Variants in TAF3 observed in about 807,000 individuals in gnomAD.
TAF3 encodes transcription initiation factor TFIID subunit 3.
In TAF3, 7 loss-of-function variants were observed where a neutral mutation model predicts 80.6. That is an observed-to-expected ratio of 0.09 (90% CI 0.05 to 0.16). The LOEUF (loss-of-function observed/expected upper bound fraction) is 0.16, where lower values mean the gene tolerates loss of function less well. TAF3 is among the 10% of genes least tolerant of loss of function. TAF3 has a pLI of 1.00. For synonymous variants in TAF3, 444 were observed against 446.1 expected (o/e 1.00, Z 0.06); for missense variants, 921 against 1,140.2 (o/e 0.81, Z 2.77).
intron 2 of TAF3, among the ~76,000 whole-genome samples, chr10:7,944,485 G>A (rs914688505): frequency 2.6e-5 from 4 of 152,206 alleles, no homozygotes; most frequent in South Asian, 4.2e-4. Flanking sequence ...AAGTTACTAC[G>A]CATTTTTTTC....
intron 2 of TAF3, among the ~76,000 whole-genome samples, chr10:7,903,884 A>G (rs1049057120): frequency 3.3e-5 from 5 of 152,192 alleles, no homozygotes; most frequent in African/African-American, 4.8e-5. Context: ...CATAAGGGAC[A>G]TAAGACAAGT....
intron 2 of TAF3, among the ~76,000 whole-genome samples, chr10:7,889,180 C>T (rs116793455): frequency 4.9e-4 from 74 of 152,296 alleles, no homozygotes; most frequent in African/African-American, 1.7e-3. Context: ...CAGTACTGTT[C>T]CTTCTTCTGC....
At chr10:7,830,319 C>T (rs1292332857) in intron 2 of TAF3, among the ~76,000 whole-genome samples, 3 of 151,556 alleles carry the variant, frequency 2.0e-5, no homozygotes, top group African/African-American at 4.9e-5. Flanking sequence ...AACCCCACCC[C>T]ACCCCTTCCT....
At chr10:8,002,921 A>G (rs1012460456) in intron 4 of TAF3, among the ~76,000 whole-genome samples, 11 of 152,314 alleles carry the variant, frequency 7.2e-5, no homozygotes, top group Admixed American at 1.3e-4. Context: ...GGAACCTTTT[A>G]TCATCAGGAA....
At chr10:7,988,513 A>C (rs1441886052) in intron 4 of TAF3, among the ~76,000 whole-genome samples, 1 of 140,438 alleles carries the variant, frequency 7.1e-6, no homozygotes, top group Non-Finnish European at 1.5e-5. Context: ...TAGAGGTTGC[A>C]GTGAGCCAAG....
chr10:7,915,814 A>G (rs1378964472), intron 2 of TAF3, among the ~76,000 whole-genome samples: 1 of 151,484 alleles, frequency 6.6e-6, no homozygotes, highest in Non-Finnish European at 1.5e-5. Context: ...TCTCGTCTCT[A>G]CTAAAAATAC....
intron 1 of TAF3, among the ~76,000 whole-genome samples, chr10:7,821,205 C>T (rs1269196506): frequency 9.3e-6 from 1 of 108,096 alleles, no homozygotes; most frequent in Admixed American, 1.1e-4. Context: ...GTTCATTATT[C>T]CCACGTAATT....
At chr10:7,976,144 G>A (rs7096633) in intron 3 of TAF3, among the ~76,000 whole-genome samples, 9,373 of 152,190 alleles carry the variant, frequency 0.062, 364 homozygotes, top group South Asian at 0.14. Flanking sequence ...CTCTTCTGAC[G>A]AACAGGTCAG....
intron 2 of TAF3, among the ~76,000 whole-genome samples, chr10:7,849,034 A>AGTGTG (rs1837000337): frequency 1.3e-5 from 2 of 152,190 alleles, no homozygotes; most frequent in Admixed American, 1.3e-4. Flanking sequence ...TTTATATCAC[A>AGTGTG]CTTTGAGGGA....
chr10:8,014,297 C>T (rs904052051), intron 6 of TAF3, among the ~76,000 whole-genome samples: 1 of 152,154 alleles, frequency 6.6e-6, no homozygotes, highest in African/African-American at 2.4e-5. Flanking sequence ...CAGATAATCT[C>T]GTGTTATCTT....
At chr10:8,004,826 G>T (rs10752123) in intron 4 of TAF3, among the ~76,000 whole-genome samples, 1 of 151,908 alleles carries the variant, frequency 6.6e-6, no homozygotes, top group Admixed American at 6.6e-5. Flanking sequence ...GGTATCTTTC[G>T]TCAGTTCTGT....
chr10:8,001,614 T>G (rs1024362474), intron 4 of TAF3, among the ~76,000 whole-genome samples: 3 of 152,338 alleles, frequency 2.0e-5, no homozygotes, highest in South Asian at 2.1e-4. Flanking sequence ...CCTTTATGGT[T>G]TCAGCTTTTG....
At chr10:8,008,099 T>TC (rs1247720587) in intron 4 of TAF3, among the ~76,000 whole-genome samples, 1 of 147,552 alleles carries the variant, frequency 6.8e-6, no homozygotes, top group Non-Finnish European at 1.5e-5. Context: ...AATCTTTTTT[T>TC]TTTTTTTTTT....
chr10:7,978,269 G>A (rs1000745877), intron 4 of TAF3, among the ~76,000 whole-genome samples: 1 of 152,018 alleles, frequency 6.6e-6, no homozygotes, highest in South Asian at 2.1e-4. Flanking sequence ...TAGTAGAGAG[G>A]ACAGAAAATT....
chr10:7,848,694 T>G (rs2131123083), intron 2 of TAF3, among the ~76,000 whole-genome samples: 1 of 152,278 alleles, frequency 6.6e-6, no homozygotes, highest in Non-Finnish European at 1.5e-5. Flanking sequence ...GAAGCTGGCT[T>G]TGTTGGAAAG....
At chr10:7,902,036 G>A (rs563459634) in intron 2 of TAF3, among the ~76,000 whole-genome samples, 7 of 152,066 alleles carry the variant, frequency 4.6e-5, no homozygotes, top group Admixed American at 3.3e-4. Context: ...CACTAACTCC[G>A]CACCCCACGT....
chr10:7,924,034 G>A (rs1185560974), intron 2 of TAF3, among the ~76,000 whole-genome samples: 3 of 152,100 alleles, frequency 2.0e-5, no homozygotes, highest in African/African-American at 7.2e-5. Context: ...ACAGTATTTA[G>A]GCCATCCTTT....
chr10:7,819,421 TACTGTTTTTCCAAGGCTGACTTTGTC>T (rs1162688770), intron 1 of TAF3, among the ~76,000 whole-genome samples: 4 of 152,150 alleles, frequency 2.6e-5, no homozygotes, highest in African/African-American at 9.7e-5. Flanking sequence ...CATCTCCATT[TACTGTTTTTCCAAGGCTGACTTTGTC>T]AGTTTCGCTG....
intron 1 of TAF3, among the ~76,000 whole-genome samples, chr10:7,821,083 A>G (rs1836685705): frequency 6.6e-6 from 1 of 152,164 alleles, no homozygotes; most frequent in Non-Finnish European, 1.5e-5. Flanking sequence ...CTATGTGACT[A>G]GGTATTCCAA....
Sources: gnomAD v4.1 joint callset for allele counts (sites outside exome capture counted in the v4.1 genomes callset) on GRCh38, gnomAD v4.1.1 for gene constraint, MANE v1.5 for transcripts, NCBI Gene and HGNC (gene_info 2026-07-23, HGNC 2026-07-21) for gene names.